The following CCNL2 variants were observed in gnomAD, a reference collection of about 807,000 sequenced individuals.
CCNL2 encodes the protein cyclin L2, also known as cyclin-L2.
In CCNL2, 28 loss-of-function variants were observed where a neutral mutation model predicts 59.1. That is an observed-to-expected ratio of 0.47 (90% CI 0.35 to 0.65). CCNL2 has a LOEUF of 0.65. Ranked by LOEUF, CCNL2 falls within the 30% of genes least tolerant of loss-of-function variation. The pLI is 0.00. For synonymous variants in CCNL2, 342 were observed against 288.6 expected (o/e 1.19, Z -1.88); for missense variants, 714 against 717.4 (o/e 1.00, Z 0.05).
Position 1,399,263 on chromosome 1 carries a change from G to C in CCNL2, c.44C>G (p.Ala15Gly). 2 of 1,574,942 alleles carry C rather than the reference G, an allele frequency of 1.3e-6. No individual in the cohort carries two copies. The highest frequency in any genetic ancestry group is 1.7e-6 in the Non-Finnish European group (2 of 1,164,392). ...CGGGGCGCCGGCCGCTGCCGCGGGA[G>C]CTGCCGACCCTGCAGCACCAGCCGC... ...AAAAGAAGSA[A>G]PAAAAGAPGS... The change falls in exon 1 of 11, where the codon GCT (alanine) becomes GGT (glycine). Residue 15 changes from alanine (A) to glycine (G), a missense_variant. Transcript: ENST00000400809.
rs1644541720 is a variant in CCNL2, at chr1:1,387,863, T to C, written c.1125A>G (p.Pro375=). ...AKADSPVNGL[P]KGRESRSRSR... The stretch of plus-strand genomic sequence containing the variant: ...TCCGACTCCGACTCTCTCGCCCCTT[T>C]GGCAAGCTGTGAACAGGACAGGAGC... The change falls in exon 10 of 11, where the codon CCA becomes CCG. Residue 375 remains proline, a synonymous_variant. Coordinates refer to ENST00000400809, the MANE Select transcript of CCNL2 (RefSeq NM_030937.6). 1 of 1,613,754 alleles carries C rather than the reference T, an allele frequency of 6.2e-7. No individual in the cohort carries two copies. Among genetic ancestry groups the C allele is most frequent in the Non-Finnish European group, 8.5e-7 (1 of 1,180,020 alleles).
Position 1,399,011 on chromosome 1 carries a change from G to A in CCNL2, c.288+8C>T, listed in dbSNP as rs1213308149. ...ACCTGGGCCGGAGGCTCGCGGCCGC[G>A]CCCTCACCTGCGGCAGGCGGAGCAG... On this transcript the variant is annotated splice_region_variant and intron_variant, in intron 1 of 10. Transcript: ENST00000400809. 1.9e-6 allele frequency: 3 copies of A among 1,589,472 alleles called. No homozygotes were observed. Among genetic ancestry groups the A allele is most frequent in the African/African-American group, 1.4e-5 (1 of 72,554 alleles).
Position 1,387,544 on chromosome 1 carries a change from G to A in CCNL2, c.1250C>T (p.Ser417Leu), listed in dbSNP as rs1234777626. The A allele has an allele frequency of 5.9e-6, 9 of 1,530,576 alleles. No homozygotes were observed. The highest frequency in any genetic ancestry group is 1.4e-5 in the African/African-American group (1 of 72,314). The allele number at this position is 1,530,576 out of a possible 1,614,324, so 94.8% of individuals were successfully genotyped here. ...DSGSTSGGSK[S>L]QSRSRSRSDS... ...ACTCCTGCTCCGGGAGCGGCTCTGC[G>A]ACTTGGACCCACCAGATGTGGAGCC... The change falls in exon 11 of 11, where the codon TCG becomes TTG. Residue 417 changes from serine to leucine, a missense_variant. Ser to Leu is a moderately radical substitution (Grantham distance 145, BLOSUM62 -2). Around this residue, in one of 5 missense-constraint regions of CCNL2, gnomAD observed 403 missense variants for 377.7 expected, o/e 1.07. Coordinates refer to ENST00000400809, the MANE Select transcript of CCNL2 (RefSeq NM_030937.6).
chr1:1,396,841 C>T (rs1314502797), intron 3 of CCNL2, among the ~76,000 whole-genome samples: 5 of 151,766 alleles, frequency 3.3e-5, no homozygotes, highest in Admixed American at 1.3e-4. Context: ...CTCCACCTCC[C>T]GGGTTCACGC....
At chr1:1,390,648 G>C in intron 6 of CCNL2, 85 bp from the exon 7 acceptor site, 1 of 1,472,906 alleles carries the variant, frequency 6.8e-7, no homozygotes, top group Non-Finnish European at 9.5e-7. Context: ...CAGCCTGTTG[G>C]TCACGAAAAT....
At chr1:1,392,251 G>T (rs1245295976) in intron 5 of CCNL2, 2 of 861,030 alleles carry the variant, frequency 2.3e-6, no homozygotes, top group East Asian at 1.2e-4. Context: ...ATTAATCCAC[G>T]AACTTAAAAT....
intron 5 of CCNL2, chr1:1,391,231 A>C (rs1457007721): frequency 1.8e-6 from 2 of 1,107,338 alleles, no homozygotes; most frequent in African/African-American, 3.3e-5. Flanking sequence ...TACTGGAGTC[A>C]CTAAAACGCT....
intron 2 of CCNL2, 24 bp downstream of exon 2, chr1:1,398,573 A>G (rs1258657376): frequency 5.6e-6 from 9 of 1,608,540 alleles, no homozygotes; most frequent in Admixed American, 1.7e-5. Context: ...TTCGCTGGGA[A>G]TGAAGTGCAG....
At position 1,399,190 on chromosome 1, in the gene CCNL2, G is replaced by A. The variant is rs764486569; in HGVS notation, c.117C>T (p.Asp39=). Reference sequence around the variant, plus strand: ...TGATGAGCACCCCGGAGTACAGCCTGTCCCCGATCAGCACCCCCTGCGACC... The same window carrying A: ...TGATGAGCACCCCGGAGTACAGCCTATCCCCGATCAGCACCCCCTGCGACC... The part of the protein sequence containing the change: ...PSGSQGVLIG[D]RLYSGVLITL... The change falls in exon 1 of 11, where the codon GAC becomes GAT. Residue 39 remains aspartate, a synonymous_variant. Transcript: ENST00000400809. 35 of 1,609,398 alleles carry A rather than the reference G, an allele frequency of 2.2e-5. No homozygotes were observed. The highest frequency in any genetic ancestry group is 3.0e-5 in the Non-Finnish European group (35 of 1,178,590).
At chr1:1,393,823 G>A (rs1351799073) in intron 4 of CCNL2, among the ~76,000 whole-genome samples, 4 of 152,224 alleles carry the variant, frequency 2.6e-5, no homozygotes, top group Admixed American at 2.6e-4. Context: ...CATACTTTCA[G>A]CAAACAGAGA....
intron 5 of CCNL2, chr1:1,391,342 C>T (rs1380257020): frequency 2.6e-6 from 3 of 1,159,906 alleles, no homozygotes; most frequent in Non-Finnish European, 2.2e-6. Flanking sequence ...TGCTGGGAGA[C>T]AAGCCATCCT....
chr1:1,398,697 T>C (rs950796737), intron 1 of CCNL2, 26 bp from the exon 2 acceptor site: 28 of 1,602,110 alleles, frequency 1.7e-5, no homozygotes, highest in Non-Finnish European at 2.1e-5. Context: ...GTTTCCGTAT[T>C]TTCAAACGCA....
At chr1:1,398,011 C>G (rs557250643) in intron 3 of CCNL2, among the ~76,000 whole-genome samples, 1 of 152,334 alleles carries the variant, frequency 6.6e-6, no homozygotes, top group South Asian at 2.1e-4. Flanking sequence ...CAGCGCGACC[C>G]GCCACAGCGC....
chr1:1,388,245 G>A, intron 8 of CCNL2, 180 bp from the exon 9 acceptor site: 2 of 599,584 alleles, frequency 3.3e-6, no homozygotes, highest in South Asian at 2.0e-5. Flanking sequence ...AGATGGGGCT[G>A]GACGCGGGGG....
Position 1,385,822 on chromosome 1 carries a change from T to C in CCNL2, c.*1409A>G, listed in dbSNP as rs1644437586. On this transcript the variant is annotated 3_prime_UTR_variant, in exon 11 of 11. Coordinates refer to ENST00000400809, the MANE Select transcript of CCNL2 (RefSeq NM_030937.6). ...ACAGGTGTGTATGGCCCTTTACTGG[T>C]TCTCTTACTTCCAGGCACAGGAAGC... The C allele has an allele frequency of 6.6e-6, 1 of 152,096 alleles. No individual in the cohort carries two copies. Among genetic ancestry groups the C allele is most frequent in the Non-Finnish European group, 1.5e-5 (1 of 68,002 alleles). 9.4% of individuals were successfully genotyped at this position (152,096 alleles called of 1,614,324 possible).
intron 5 of CCNL2, 163 bp downstream of exon 5, chr1:1,393,233 T>A (rs564228111): frequency 1.5e-6 from 1 of 648,220 alleles, no homozygotes; most frequent in East Asian, 2.6e-5. Flanking sequence ...AGTGCCCATT[T>A]TGGGAGTCTG....
chr1:1,392,504 A>T, intron 5 of CCNL2: 1 of 1,279,984 alleles, frequency 7.8e-7, no homozygotes, highest in Non-Finnish European at 9.9e-7. Context: ...TTTTTAAGAG[A>T]AAGGTACTGC....
rs1645159936 is a variant in CCNL2 at position 1,398,253 on chromosome 1, A to G, written c.453T>C (p.Leu151=). 1 of 1,614,232 alleles carries G rather than the reference A, an allele frequency of 6.2e-7. No individual in the cohort carries two copies. Among genetic ancestry groups the G allele is most frequent in the East Asian group, 2.2e-5 (1 of 44,886 alleles). The change falls in exon 3 of 11, where the codon CTT becomes CTC. Residue 151 remains leucine, a synonymous_variant. Transcript: ENST00000400809. The part of the protein sequence containing the change: ...IRDVINVFHR[L]RQLRDKKKPV... ...CTCACTTTTTGTCTCTCAGCTGTCG[A>G]AGGCGGTGAAACACATTGATGACGT...
chr1:1,390,371 C>T lies in CCNL2; in HGVS notation c.865G>A (p.Val289Ile). 1 of 1,612,204 alleles carries T rather than the reference C, an allele frequency of 6.2e-7. No individual in the cohort carries two copies. The highest frequency in any genetic ancestry group is 1.1e-5 in the South Asian group (1 of 91,050). Residue 289 changes from valine (V) to isoleucine (I), a missense_variant and splice_region_variant, in exon 8 of 11, where the codon GTT becomes ATT. Around this residue, in one of 5 missense-constraint regions of CCNL2, gnomAD observed 403 missense variants for 377.7 expected, o/e 1.07. Coordinates refer to ENST00000400809, the MANE Select transcript of CCNL2 (RefSeq NM_030937.6). ...KILQLYARKK[V>I]DLTHLEGEVE... ...TCACCCTCCAGGTGTGTGAGATCAA[C>T]CTGCAAAAGCCAGAAGGTGTCCGTT...
Sources: allele counts gnomAD v4.1 joint callset (sites outside exome capture counted in the v4.1 genomes callset), GRCh38; gene constraint gnomAD v4.1.1; regional missense constraint gnomAD v4.1.1; transcripts MANE v1.5; gene names NCBI Gene and HGNC (gene_info 2026-07-23, HGNC 2026-07-21).